Variants in LRRK1 observed in about 807,000 individuals in gnomAD.
The protein encoded by LRRK1 is leucine-rich repeat serine/threonine-protein kinase 1.
A neutral mutation model predicts 209.1 loss-of-function variants in LRRK1; 113 were observed. The ratio of observed to expected loss-of-function variants is 0.54; its 90% confidence interval spans 0.46 to 0.63. The LOEUF (loss-of-function observed/expected upper bound fraction) is 0.63. Among genes scored for constraint, LRRK1 ranks in the 30% least tolerant of loss-of-function variants. The pLI, the probability that LRRK1 is intolerant of heterozygous loss-of-function variation, is 0.00. For synonymous variants in LRRK1, 1,144 were observed against 1,099.7 expected (o/e 1.04, Z -0.80); for missense variants, 2,284 against 2,632.2 (o/e 0.87, Z 2.89).
rs566606745 is a variant in LRRK1 at position 101,010,676 on chromosome 15, A to G, written c.1120A>G (p.Thr374Ala). ...TGGGTCTTTTTTTTTTTTTTTAGCCACTAACTGGATAGGTTTACGGAAGCT... is the reference window on the plus strand; with the variant it reads ...TGGGTCTTTTTTTTTTTTTTTAGCCGCTAACTGGATAGGTTTACGGAAGCT... Reference protein sequence around the residue: ...LEKLFEEENATNWIGLRKLQE... With the variant: ...LEKLFEEENAANWIGLRKLQE... The change falls in exon 9 of 34, where the codon ACT (threonine) becomes GCT (alanine). Residue 374 changes from threonine (T) to alanine (A), a missense_variant and splice_region_variant. This residue lies in a region of LRRK1 where 494 missense variants were observed against 522.1 expected (regional missense o/e 0.95). Coordinates refer to ENST00000388948, the MANE Select transcript of LRRK1 (RefSeq NM_024652.6). 1.0e-5 allele frequency: 16 copies of G among 1,586,030 alleles called. No individual in the cohort carries two copies. The highest frequency in any genetic ancestry group is 2.3e-5 in the South Asian group (2 of 85,666).
At position 101,061,167 on chromosome 15, in the gene LRRK1, A is replaced by G. The variant is rs768944392; in HGVS notation, c.4680-4A>G. The stretch of plus-strand genomic sequence containing the variant: ...ACTGACAGCACAGTTTCTGCCACTT[A>G]CAGGAACTACACGGTGGTGAACACA... On this transcript the variant is annotated splice_polypyrimidine_tract_variant and splice_region_variant and intron_variant, in intron 29 of 33. Transcript: ENST00000388948. 1 of 1,609,432 alleles carries G rather than the reference A, an allele frequency of 6.2e-7. No individual in the cohort carries two copies. The highest frequency in any genetic ancestry group is 8.5e-7 in the Non-Finnish European group (1 of 1,176,234).
At chr15:100,940,334 T>C (rs2042377492) in intron 2 of LRRK1, among the ~76,000 whole-genome samples, 1 of 152,230 alleles carries the variant, frequency 6.6e-6, no homozygotes, top group Non-Finnish European at 1.5e-5. Context: ...TGAGGACTCA[T>C]ATTTTTGCAA....
At chr15:101,019,494 C>T (rs776035107) in intron 12 of LRRK1, among the ~76,000 whole-genome samples, 12 of 152,222 alleles carry the variant, frequency 7.9e-5, no homozygotes, top group Admixed American at 1.3e-4. Context: ...GAGTCCCATT[C>T]ACAGTACAGC....
chr15:100,962,823 A>ATATATATATACATATATATATATATAT, intron 2 of LRRK1, among the ~76,000 whole-genome samples: 7 of 11,542 alleles, frequency 6.1e-4, no homozygotes, highest in Non-Finnish European at 1.4e-3. Flanking sequence ...ATATATATAT[A>ATATATATATACATATATATATATATAT]TTTTTTTTTT....
At chr15:100,936,831 C>T (rs1454504931) in intron 2 of LRRK1, among the ~76,000 whole-genome samples, 1 of 152,238 alleles carries the variant, frequency 6.6e-6, no homozygotes, top group East Asian at 1.9e-4. Flanking sequence ...ATGGGGTAAC[C>T]AGAGTCCTGT....
At chr15:101,008,518 C>G (rs977015330) in intron 6 of LRRK1, among the ~76,000 whole-genome samples, 1 of 152,224 alleles carries the variant, frequency 6.6e-6, no homozygotes, top group Non-Finnish European at 1.5e-5. Context: ...AATCCCGCCG[C>G]GCTCTTCCCT....
Position 100,964,084 on chromosome 15 carries a change from G to A in LRRK1, c.98-9720G>A, listed in dbSNP as rs1353944067. Among the ~76,000 whole-genome samples, 58 of 152,120 alleles carry A rather than the reference G, an allele frequency of 3.8e-4. 3 individuals are homozygous for A. The highest frequency in any genetic ancestry group is 3.8e-3 in the Admixed American group (58 of 15,276). On this transcript the variant is annotated intron_variant, in intron 2 of 33. Transcript: ENST00000388948. The stretch of plus-strand genomic sequence containing the variant: ...AGCATTTCTGCAGTGAGAAATGCTA[G>A]CCTCTGGGCCAGAACTGTTAGTGAG...
chr15:100,980,922 T>A (rs2141661149), intron 3 of LRRK1, among the ~76,000 whole-genome samples: 1 of 152,318 alleles, frequency 6.6e-6, no homozygotes, highest in Non-Finnish European at 1.5e-5. Context: ...ACATTTAAAA[T>A]ATTTGCATTT....
At chr15:101,045,334 G>A (rs570947160) in intron 20 of LRRK1, among the ~76,000 whole-genome samples, 39 of 152,344 alleles carry the variant, frequency 2.6e-4, no homozygotes, top group Admixed American at 1.9e-3. Flanking sequence ...GGATGCAGCC[G>A]TTGCTGGTTT....
At chr15:101,061,327 C>T (rs762626388) in intron 30 of LRRK1, 39 bp downstream of exon 30, 1 of 1,439,052 alleles carries the variant, frequency 6.9e-7, no homozygotes, top group South Asian at 1.1e-5. Context: ...GAGGTAAGCA[C>T]TGCCCACTGG....
At chr15:101,052,744 T>G (rs1175461221) in intron 24 of LRRK1, among the ~76,000 whole-genome samples, 178 bp from the exon 25 acceptor site, 1 of 152,234 alleles carries the variant, frequency 6.6e-6, no homozygotes, top group Non-Finnish European at 1.5e-5. Context: ...TTAGCAAGCC[T>G]GCATAACCTA....
In LRRK1 at chr15:100,989,262, T is replaced by C; in HGVS notation, c.626T>C (p.Ile209Thr). 2 of 1,614,156 alleles carry C rather than the reference T, an allele frequency of 1.2e-6. No individual in the cohort carries two copies. The highest frequency in any genetic ancestry group is 1.7e-6 in the Non-Finnish European group (2 of 1,179,982). ...TTTGTTCCTTTAGGGAATGAAGACATTGCAATATTCCTGCTTCGGCATGGG... is the reference window on the plus strand; with the variant it reads ...TTTGTTCCTTTAGGGAATGAAGACACTGCAATATTCCTGCTTCGGCATGGG... Reference protein sequence around the residue: ...YAAIKSGNEDIAIFLLRHGAY... With the variant: ...YAAIKSGNEDTAIFLLRHGAY... Residue 209 changes from isoleucine to threonine, a missense_variant, in exon 6 of 34, where the codon ATT (isoleucine) becomes ACT (threonine). Ile to Thr is a moderately conservative substitution (Grantham distance 89). Coordinates refer to ENST00000388948, the MANE Select transcript of LRRK1 (RefSeq NM_024652.6).
At position 100,976,448 on chromosome 15, in the gene LRRK1, G is replaced by T. The variant is rs114371671; in HGVS notation, c.261+2481G>T. ...TAAAGTTATTCAACTTCGTTAATGC[G>T]TATAGAAAGGCAAATAAAACAAAAA... is the stretch of plus-strand genomic sequence containing the variant. On this transcript the variant is annotated intron_variant, in intron 3 of 33. Coordinates refer to ENST00000388948, the MANE Select transcript of LRRK1 (RefSeq NM_024652.6). 7.8e-3 allele frequency among the ~76,000 whole-genome samples: 1,193 copies of T among 152,308 alleles called. 17 individuals are homozygous for T. Among genetic ancestry groups the T allele is most frequent in the African/African-American group, 0.028 (1,146 of 41,562 alleles).
Position 101,077,866 on chromosome 15 carries a change from C to A in LRRK1, c.*9018C>A. ...TCAGGCCTCTGAGCCCAAGCTAAGC[C>A]ATCGCATCCCCTGTGACCTGCACGC... On this transcript the variant is annotated 3_prime_UTR_variant, in exon 34 of 34. Coordinates refer to ENST00000388948, the MANE Select transcript of LRRK1 (RefSeq NM_024652.6). 6.6e-6 allele frequency: 1 copy of A among 152,330 alleles called. No individual in the cohort carries two copies. Among genetic ancestry groups the A allele is most frequent in the South Asian group, 2.1e-4 (1 of 4,854 alleles). The allele number at this position is 152,330 out of a possible 1,614,324, so 9.4% of individuals were successfully genotyped here.
At position 101,077,702 on chromosome 15, in the gene LRRK1, C is replaced by T. The variant is rs1000919822; in HGVS notation, c.*8854C>T. On this transcript the variant is annotated 3_prime_UTR_variant, in exon 34 of 34. Transcript: ENST00000388948. Reference sequence around the variant, plus strand: ...TCTCCCACTCTAGGTTCCCACGCCGCCCCGAATCCCGCTCGAAGCAGCCCT... The same window carrying T: ...TCTCCCACTCTAGGTTCCCACGCCGTCCCGAATCCCGCTCGAAGCAGCCCT... 3 of 152,180 alleles carry T rather than the reference C, an allele frequency of 2.0e-5. No homozygotes were observed. Among genetic ancestry groups the T allele is most frequent in the African/African-American group, 7.2e-5 (3 of 41,432 alleles). 9.4% of individuals were successfully genotyped at this position (152,180 alleles called of 1,614,324 possible).
In LRRK1 at chr15:101,051,912, C is replaced by T. The variant is rs370568105; in HGVS notation, c.3641C>T (p.Pro1214Leu). The change falls in exon 24 of 34, where the codon CCG (proline) becomes CTG (leucine). Residue 1214 changes from proline to leucine, a missense_variant. This residue lies in a region of LRRK1 where 780 missense variants were observed against 985.2 expected (regional missense o/e 0.79). Transcript: ENST00000388948. ...CCCAGACACCCGGACCTCCCCGTGC[C>T]GCTGCAGGAGCTGGTCCCTGAACTG... ...SCPRHPDLPV[P>L]LQELVPELFM... is the part of the protein sequence containing the mutation. The T allele has an allele frequency of 1.8e-5, 29 of 1,613,890 alleles. No individual in the cohort carries two copies. The highest frequency in any genetic ancestry group is 2.3e-5 in the Non-Finnish European group (27 of 1,180,024).
At chr15:100,956,392 A>T in intron 2 of LRRK1, among the ~76,000 whole-genome samples, 1 of 131,502 alleles carries the variant, frequency 7.6e-6, no homozygotes, top group Non-Finnish European at 1.6e-5. Context: ...TTCTTAGTCT[A>T]GCTAACGATT....
At position 101,065,654 on chromosome 15, in the gene LRRK1, C is replaced by T. The variant is rs41373050; in HGVS notation, c.5217C>T (p.Val1739=). 19,566 of 1,614,118 alleles carry T rather than the reference C, an allele frequency of 0.012. 163 individuals carry two copies. Among genetic ancestry groups the T allele is most frequent in the Non-Finnish European group, 0.015 (17,301 of 1,180,020 alleles). ...TGGCCCCCTCCATGGTTACGTCAGT[C>T]GTGTGCAGCTCTGAGGGCAGAGGGG... is the stretch of plus-strand genomic sequence containing the variant. The part of the protein sequence containing the change: ...PYMAPSMVTS[V]VCSSEGRGEE... Residue 1739 remains valine, a synonymous_variant, in exon 32 of 34, where the codon GTC becomes GTT. Coordinates refer to ENST00000388948, the MANE Select transcript of LRRK1 (RefSeq NM_024652.6).
intron 2 of LRRK1, among the ~76,000 whole-genome samples, chr15:100,945,508 TTTTTTG>T (rs2042522875): frequency 4.2e-5 from 5 of 118,692 alleles, no homozygotes; most frequent in African/African-American, 1.3e-4. Context: ...TTTTTTTTTT[TTTTTTG>T]ACAGAGTCTT....
Sources: gnomAD v4.1 joint callset for allele counts (sites outside exome capture counted in the v4.1 genomes callset) on GRCh38, gnomAD v4.1.1 for gene constraint, gnomAD v4.1.1 regional missense constraint, MANE v1.5 for transcripts, NCBI Gene and HGNC (gene_info 2026-07-23, HGNC 2026-07-21) for gene names.